Variants in NBAS observed in about 807,000 individuals in gnomAD.
The protein encoded by NBAS is NAG/BC035112 fusion.
Under a neutral mutation model 302.5 loss-of-function variants are expected in NBAS, and 219 were observed. The ratio of observed to expected loss-of-function variants is 0.72; its 90% confidence interval spans 0.65 to 0.81. The LOEUF (loss-of-function observed/expected upper bound fraction) is 0.81, where lower values mean the gene tolerates loss of function less well. Among genes scored for constraint, NBAS ranks in the 30% least tolerant of loss-of-function variants. NBAS has a pLI of 0.00. For missense variants in NBAS, 2,932 were observed against 2,841.6 expected (o/e 1.03, Z -0.72); for synonymous variants, 1,118 against 1,021.6 (o/e 1.09, Z -1.80).
At chr2:14,849,132 T>A in the NBAS span, among the ~76,000 whole-genome samples, 1 of 142,982 alleles carries the variant, frequency 7.0e-6, no homozygotes, top group Non-Finnish European at 1.5e-5. Flanking sequence ...TACTCTGAGC[T>A]ACGGGAGGAC....
At chr2:15,418,238 T>C (rs1427709880) in intron 23 of NBAS, among the ~76,000 whole-genome samples, 1 of 152,220 alleles carries the variant, frequency 6.6e-6, no homozygotes, top group Non-Finnish European at 1.5e-5. Context: ...AACACTTTCT[T>C]GGTCTCAGTT....
chr2:15,249,111 C>A (rs889782788), intron 44 of NBAS, among the ~76,000 whole-genome samples: 1 of 152,138 alleles, frequency 6.6e-6, no homozygotes, highest in African/African-American at 2.4e-5. Context: ...AAAAGCTTAT[C>A]CACCATGATC....
chr2:15,050,056 T>C, the NBAS span, among the ~76,000 whole-genome samples: 1 of 152,128 alleles, frequency 6.6e-6, no homozygotes, highest in Non-Finnish European at 1.5e-5. Context: ...TCAGACAAAT[T>C]CCGTTTCCTC....
chr2:15,534,378 T>C (rs906322661), intron 9 of NBAS, among the ~76,000 whole-genome samples, 165 bp downstream of exon 9: 2 of 152,154 alleles, frequency 1.3e-5, no homozygotes, highest in African/African-American at 2.4e-5. Context: ...GCCAGATAGA[T>C]AAGCATGAAT....
the NBAS span, among the ~76,000 whole-genome samples, chr2:14,807,906 C>T: frequency 2.6e-5 from 4 of 152,102 alleles, no homozygotes; most frequent in African/African-American, 9.7e-5. Flanking sequence ...CTTGCTATCC[C>T]TCTCTGTCTC....
chr2:15,424,594 T>C lies in NBAS; in HGVS notation c.2424-126A>G, dbSNP rs10929367. Reference sequence around the variant, plus strand: ...AGACAGGGAGCATACATGTATGTGGTTTGTGTATCTATCACATGCACACGC... The same window carrying C: ...AGACAGGGAGCATACATGTATGTGGCTTGTGTATCTATCACATGCACACGC... On this transcript the variant is annotated intron_variant, in intron 22 of 51. Coordinates refer to ENST00000281513, the MANE Select transcript of NBAS (RefSeq NM_015909.4). 674,558 of 1,062,316 alleles carry C rather than the reference T, an allele frequency of 0.63. 219,764 individuals are homozygous for C. The highest frequency in any genetic ancestry group is 0.68 in the Non-Finnish European group (468,015 of 691,224). The allele number at this position is 1,062,316 out of a possible 1,614,324, so 65.8% of individuals were successfully genotyped here.
At position 15,473,227 on chromosome 2, in the gene NBAS, A is replaced by T. The variant is rs1225879842; in HGVS notation, c.1720T>A (p.Tyr574Asn). Residue 574 changes from tyrosine (Y) to asparagine (N), a missense_variant, in exon 16 of 52, where the codon TAT (tyrosine) becomes AAT (asparagine). Tyr to Asn is a moderately radical substitution (Grantham distance 143). Transcript: ENST00000281513. ...ACCAAAATATTTAAACATACCAAAT[A>T]ATTCTGAATTGAAGCAACGTTGACC... ...SAVNVASIQN[Y>N]LSKIKKRSWV... 2 of 1,613,848 alleles carry T rather than the reference A, an allele frequency of 1.2e-6. No individual in the cohort carries two copies. The highest frequency in any genetic ancestry group is 3.3e-5 in the Admixed American group (2 of 59,998).
At chr2:15,506,328 G>C (rs550321566) in intron 10 of NBAS, among the ~76,000 whole-genome samples, 1 of 152,094 alleles carries the variant, frequency 6.6e-6, no homozygotes, top group Non-Finnish European at 1.5e-5. Flanking sequence ...TTTAAACTCA[G>C]CATGATCAAC....
At chr2:15,480,515 G>A (rs181361113) in intron 12 of NBAS, among the ~76,000 whole-genome samples, 14 of 152,210 alleles carry the variant, frequency 9.2e-5, no homozygotes, top group South Asian at 2.1e-4. Context: ...AGGGGCCTTC[G>A]AAGGATGGAC....
chr2:14,902,474 G>A, the NBAS span, among the ~76,000 whole-genome samples: 1 of 152,206 alleles, frequency 6.6e-6, no homozygotes, highest in Non-Finnish European at 1.5e-5. Flanking sequence ...GTAAGAGGAA[G>A]TAAGGAGAGA....
the NBAS span, among the ~76,000 whole-genome samples, chr2:15,064,778 G>GAACAA: frequency 6.6e-6 from 1 of 151,948 alleles, no homozygotes; most frequent in Non-Finnish European, 1.5e-5. Context: ...AAACGAAACA[G>GAACAA]AACAAAACAA....
Position 15,166,945 on chromosome 2 carries a change from G to C in NBAS, c.*103C>G. 7.1e-7 allele frequency: 1 copy of C among 1,404,460 alleles called. No homozygotes were observed. The highest frequency in any genetic ancestry group is 9.5e-7 in the Non-Finnish European group (1 of 1,052,950). 87.0% of individuals were successfully genotyped at this position (1,404,460 alleles called of 1,614,324 possible). On this transcript the variant is annotated 3_prime_UTR_variant, in exon 52 of 52. Transcript: ENST00000281513. ...TTCCATACAGTTTTATTTGCAATTT[G>C]TTGGAACCATGGAGAACAATCGGCA...
the NBAS span, among the ~76,000 whole-genome samples, chr2:15,065,990 A>G: frequency 6.6e-6 from 1 of 152,172 alleles, no homozygotes; most frequent in Non-Finnish European, 1.5e-5. Flanking sequence ...TATATTACAA[A>G]GTTATAGTAA....
At chr2:15,338,761 A>G (rs1479157481) in intron 35 of NBAS, among the ~76,000 whole-genome samples, 1 of 151,762 alleles carries the variant, frequency 6.6e-6, no homozygotes, top group Non-Finnish European at 1.5e-5. Flanking sequence ...TGTAATCCCA[A>G]CACTTTGGGA....
chr2:15,355,336 A>ACAACAACAG, intron 33 of NBAS, among the ~76,000 whole-genome samples: 2 of 152,082 alleles, frequency 1.3e-5, no homozygotes, highest in Middle Eastern at 6.8e-3. Flanking sequence ...AACAACAACA[A>ACAACAACAG]CAACAACAAA....
At chr2:15,550,316 TA>T (rs1332269424) in intron 6 of NBAS, among the ~76,000 whole-genome samples, 1 of 152,204 alleles carries the variant, frequency 6.6e-6, no homozygotes, top group African/African-American at 2.4e-5. Context: ...TGTTTTAAGA[TA>T]AAATATTTAT....
the NBAS span, among the ~76,000 whole-genome samples, chr2:14,863,053 A>G: frequency 4.1e-4 from 63 of 152,346 alleles, no homozygotes; most frequent in Non-Finnish European, 8.2e-4. Flanking sequence ...CCTTATGTAG[A>G]TGTCTGGCAA....
At chr2:15,249,093 G>A (rs1668239104) in intron 44 of NBAS, among the ~76,000 whole-genome samples, 1 of 152,072 alleles carries the variant, frequency 6.6e-6, no homozygotes, top group South Asian at 2.1e-4. Flanking sequence ...GAATAAAGCA[G>A]CACATCAAAA....
In NBAS at chr2:15,402,275, C is replaced by T; in HGVS notation, c.2964G>A (p.Gln988=). The part of the protein sequence containing the change: ...PDLQQKIIPD[Q]DQLMAIALEC... ...CTAGTGCTATTGCCATCAGTTGGTC[C>T]TGATCAGGAATAATTTTTTGCTGCA... Residue 988 remains glutamine, a synonymous_variant, in exon 26 of 52, where the codon CAG becomes CAA. Coordinates refer to ENST00000281513, the MANE Select transcript of NBAS (RefSeq NM_015909.4). 1.2e-6 allele frequency: 2 copies of T among 1,613,556 alleles called. No individual in the cohort carries two copies. Among genetic ancestry groups the T allele is most frequent in the Non-Finnish European group, 1.7e-6 (2 of 1,179,668 alleles).
Sources: gnomAD v4.1 joint callset for allele counts (sites outside exome capture counted in the v4.1 genomes callset) on GRCh38, gnomAD v4.1.1 for gene constraint, MANE v1.5 for transcripts, NCBI Gene and HGNC (gene_info 2026-07-23, HGNC 2026-07-21) for gene names.